The following CADPS2 variants were observed in gnomAD, a reference collection of about 807,000 sequenced individuals.
CADPS2 encodes the protein calcium dependent secretion activator 2, also known as calcium-dependent secretion activator 2.
Under a neutral mutation model 172.5 loss-of-function variants are expected in CADPS2, and 93 were observed. The observed-to-expected ratio is 0.54, with a 90% CI of 0.46 to 0.64. The LOEUF (loss-of-function observed/expected upper bound fraction) is 0.64, where lower values mean the gene tolerates loss of function less well. Ranked by LOEUF, CADPS2 falls within the 30% of genes least tolerant of loss-of-function variation. The probability of loss-of-function intolerance (pLI) is 0.00; values close to 1 mark genes in which losing one functional copy is unlikely to be tolerated. For synonymous variants in CADPS2, 546 were observed against 555.2 expected (o/e 0.98, Z 0.23); for missense variants, 1,420 against 1,565.9 (o/e 0.91, Z 1.57).
intron 27 of CADPS2, among the ~76,000 whole-genome samples, chr7:122,359,535 G>A (rs1186200144): frequency 6.6e-6 from 1 of 152,100 alleles, no homozygotes; most frequent in Non-Finnish European, 1.5e-5. Context: ...TGGTGTCACA[G>A]TCCATTTGTA....
chr7:122,658,848 C>T lies in CADPS2; in HGVS notation c.786+4389G>A, dbSNP rs544649777. Among the ~76,000 whole-genome samples, 11 of 151,760 alleles carry T rather than the reference C, an allele frequency of 7.2e-5. No individual in the cohort carries two copies. The South Asian group carries it at 8.3e-4, about 11-fold the overall frequency. On this transcript the variant is annotated intron_variant, in intron 3 of 29. Transcript: ENST00000449022. ...TGTATACATATGTAACTAACCTGCA[C>T]GTTGTGCACATGTACCCTAGAACTT...
chr7:122,675,668 A>C (rs1346605373), intron 2 of CADPS2, among the ~76,000 whole-genome samples: 3 of 152,232 alleles, frequency 2.0e-5, no homozygotes, highest in African/African-American at 7.2e-5. Context: ...TGTCCTCTGC[A>C]GGAATGTGGA....
intron 1 of CADPS2, among the ~76,000 whole-genome samples, chr7:122,798,344 A>C (rs1369137723): frequency 6.6e-6 from 1 of 152,184 alleles, no homozygotes; most frequent in East Asian, 1.9e-4. Context: ...AATGTTCAAA[A>C]TAAGTGTATA....
chr7:122,409,468 C>CT (rs543909692), intron 19 of CADPS2: 11,840 of 248,520 alleles, frequency 0.048, 16 homozygotes, highest in South Asian at 0.093. Context: ...ATGGAATACA[C>CT]TTTTTTTTTT....
intron 8 of CADPS2, among the ~76,000 whole-genome samples, chr7:122,542,288 C>A (rs1267712846): frequency 1.3e-5 from 2 of 152,070 alleles, no homozygotes; most frequent in African/African-American, 4.8e-5. Flanking sequence ...TGATATTACA[C>A]TATCCTTTAG....
At chr7:122,469,975 C>G (rs1004236740) in intron 14 of CADPS2, among the ~76,000 whole-genome samples, 2 of 151,876 alleles carry the variant, frequency 1.3e-5, no homozygotes, top group Admixed American at 6.6e-5. Context: ...CTTTTTAAAA[C>G]TGGAAAAAAG....
chr7:122,462,376 A>T (rs940865212), intron 14 of CADPS2, among the ~76,000 whole-genome samples: 3 of 152,146 alleles, frequency 2.0e-5, no homozygotes, highest in Non-Finnish European at 4.4e-5. Flanking sequence ...AAGAGAAAAA[A>T]AAAGAATTAA....
chr7:122,855,090 TCC>T (rs1814799919), intron 1 of CADPS2, among the ~76,000 whole-genome samples: 1 of 152,152 alleles, frequency 6.6e-6, no homozygotes, highest in Non-Finnish European at 1.5e-5. Context: ...GTGACTTTGA[TCC>T]CCATCTGCTG....
In CADPS2 at chr7:122,886,373, C is replaced by T. The variant is rs781445958; in HGVS notation, c.-36G>A. The T allele has an allele frequency of 1.6e-5, 24 of 1,482,930 alleles. No individual in the cohort carries two copies. The South Asian group carries it at 3.1e-4, about 19-fold the overall frequency. The allele number at this position is 1,482,930 out of a possible 1,614,324, so 91.9% of individuals were successfully genotyped here. A position where few individuals can be genotyped will look rare whatever the true frequency, so the allele number is the denominator to read the frequency against. On this transcript the variant is annotated 5_prime_UTR_variant, in exon 1 of 30. Coordinates refer to ENST00000449022, the MANE Select transcript of CADPS2 (RefSeq NM_017954.11). ...GATCCCCGCCGCTCGGCCCGCGGTC[C>T]CCAAGCGCCTCACCCCCGGCGGCTG...
At chr7:122,564,801 T>C (rs1253262638) in intron 7 of CADPS2, among the ~76,000 whole-genome samples, 3 of 151,204 alleles carry the variant, frequency 2.0e-5, no homozygotes, top group African/African-American at 4.9e-5. Context: ...AAATTTTTAA[T>C]TGCATAAACA....
intron 3 of CADPS2, among the ~76,000 whole-genome samples, chr7:122,640,403 G>A (rs2077484753): frequency 6.6e-6 from 1 of 151,696 alleles, no homozygotes; most frequent in Non-Finnish European, 1.5e-5. Flanking sequence ...CTGTCACAGT[G>A]AAAATAATTA....
At chr7:122,463,682 G>C (rs1197270707) in intron 14 of CADPS2, among the ~76,000 whole-genome samples, 1 of 152,082 alleles carries the variant, frequency 6.6e-6, no homozygotes, top group Non-Finnish European at 1.5e-5. Flanking sequence ...CACTAAGGAG[G>C]GTGGGAGAAA....
At chr7:122,778,857 C>G (rs188679221) in intron 1 of CADPS2, among the ~76,000 whole-genome samples, 1 of 152,156 alleles carries the variant, frequency 6.6e-6, no homozygotes, top group East Asian at 1.9e-4. Context: ...TGGGAGGGAC[C>G]AGGGGTGGAA....
At chr7:122,828,249 T>C (rs996275355) in intron 1 of CADPS2, among the ~76,000 whole-genome samples, 1 of 99,060 alleles carries the variant, frequency 1.0e-5, no homozygotes, top group South Asian at 3.2e-4. Flanking sequence ...ATTTCTACTA[T>C]TTTTTATCAT....
intron 3 of CADPS2, among the ~76,000 whole-genome samples, chr7:122,662,811 T>A: frequency 6.6e-6 from 1 of 152,326 alleles, no homozygotes; most frequent in East Asian, 1.9e-4. Flanking sequence ...TAAAAAAATT[T>A]GAAATTTAAT....
chr7:122,715,226 G>A (rs192181460), intron 2 of CADPS2, among the ~76,000 whole-genome samples: 70 of 152,156 alleles, frequency 4.6e-4, no homozygotes, highest in African/African-American at 1.5e-3. Context: ...TTTTCATACC[G>A]ATATACAGGA....
intron 2 of CADPS2, among the ~76,000 whole-genome samples, chr7:122,664,202 T>A (rs1372939607): frequency 6.6e-6 from 1 of 151,986 alleles, no homozygotes; most frequent in Non-Finnish European, 1.5e-5. Flanking sequence ...GACTTGAAGA[T>A]CAACAGTAGG....
rs370668325 is a variant in CADPS2, at chr7:122,379,409, C to T, written c.3346G>A (p.Asp1116Asn). The T allele has an allele frequency of 2.7e-5, 43 of 1,603,014 alleles. No homozygotes were observed. The African/African-American group carries it at 2.8e-4, about 10-fold the overall frequency. ...GAAATGATTTCTTTTACACTGTTGT[C>T]GATCAGATCATCTATTTTTGAATGG... ...QYHSKIDDLIDNSVKEIISLL... is the reference protein window; with the variant it reads ...QYHSKIDDLINNSVKEIISLL... The change falls in exon 25 of 30, where the codon GAC becomes AAC. Residue 1116 changes from aspartate (D) to asparagine (N), a missense_variant. Coordinates refer to ENST00000449022, the MANE Select transcript of CADPS2 (RefSeq NM_017954.11).
In CADPS2 at chr7:122,387,193, T is replaced by C. The variant is rs1585504449; in HGVS notation, c.3165-20A>G. On this transcript the variant is annotated intron_variant, in intron 23 of 29. Coordinates refer to ENST00000449022, the MANE Select transcript of CADPS2 (RefSeq NM_017954.11). The stretch of plus-strand genomic sequence containing the variant: ...CTTGTTCTAGTTTTTAAAACATGAA[T>C]TCAGAGTAAGAAATTCTGCTATACA... The C allele has an allele frequency of 5.1e-6, 8 of 1,563,654 alleles. No individual in the cohort carries two copies. In the East Asian group the frequency reaches 9.4e-5, roughly 18 times the overall value.
Sources: gnomAD v4.1 joint callset for allele counts (sites outside exome capture counted in the v4.1 genomes callset) on GRCh38, gnomAD v4.1.1 for gene constraint, MANE v1.5 for transcripts, NCBI Gene and HGNC (gene_info 2026-07-23, HGNC 2026-07-21) for gene names.